HS6ST3: variants seen among roughly 807,000 people sequenced by gnomAD.
The protein encoded by HS6ST3 is heparan-sulfate 6-O-sulfotransferase 3.
Under a neutral mutation model 36.7 loss-of-function variants are expected in HS6ST3, and 12 were observed. The observed-to-expected ratio is 0.33, with a 90% CI of 0.21 to 0.53. HS6ST3 has a LOEUF of 0.53. Ranked by LOEUF, HS6ST3 falls within the 20% of genes least tolerant of loss-of-function variation. The pLI is 0.95. For synonymous variants in HS6ST3, 240 were observed against 257.5 expected, an observed-to-expected ratio of 0.93 and a Z score of 0.65; for missense variants, 584 against 640.9, an observed-to-expected ratio of 0.91 and a Z score of 0.96.
At chr13:96,492,162 A>G (rs942872804) in intron 1 of HS6ST3, among the ~76,000 whole-genome samples, 12 of 152,180 alleles carry the variant, frequency 7.9e-5, no homozygotes, top group Admixed American at 3.9e-4. Flanking sequence ...CTCACAGTTC[A>G]TAGATGCTGC....
chr13:96,325,774 T>C (rs2055027789), intron 1 of HS6ST3, among the ~76,000 whole-genome samples: 1 of 152,154 alleles, frequency 6.6e-6, no homozygotes, highest in Non-Finnish European at 1.5e-5. Context: ...GGGGACAAAA[T>C]TGGTCATTTA....
At chr13:96,313,606 G>T (rs1441825880) in intron 1 of HS6ST3, among the ~76,000 whole-genome samples, 1 of 152,062 alleles carries the variant, frequency 6.6e-6, no homozygotes, top group Non-Finnish European at 1.5e-5. Flanking sequence ...AAATGCTGTA[G>T]ATTCATCCCA....
chr13:96,734,101 C>G lies in HS6ST3; in HGVS notation c.708-98389C>G, dbSNP rs1455837647. Reference sequence around the variant, plus strand: ...CTGCCCTTGAAATAAAATCCAATCTCTTATTTACTTATAAGCTGGCCACTT... The same window carrying G: ...CTGCCCTTGAAATAAAATCCAATCTGTTATTTACTTATAAGCTGGCCACTT... On this transcript the variant is annotated intron_variant, in intron 1 of 1. Transcript: ENST00000376705. Among the ~76,000 whole-genome samples, 4 of 152,190 alleles carry G rather than the reference C, an allele frequency of 2.6e-5. No homozygotes were observed. The East Asian group carries it at 7.7e-4, about 29-fold the overall frequency.
chr13:96,433,538 A>G (rs1200835374), intron 1 of HS6ST3, among the ~76,000 whole-genome samples: 1 of 152,208 alleles, frequency 6.6e-6, no homozygotes, highest in Non-Finnish European at 1.5e-5. Context: ...TCTTCTGCAC[A>G]TGCTCTTTTA....
At chr13:96,532,247 A>T (rs2138935361) in intron 1 of HS6ST3, among the ~76,000 whole-genome samples, 2 of 152,306 alleles carry the variant, frequency 1.3e-5, no homozygotes, top group Admixed American at 1.3e-4. Flanking sequence ...AGAGAGAAAC[A>T]TTGTTTATTC....
At chr13:96,183,592 T>C (rs531032561) in intron 1 of HS6ST3, among the ~76,000 whole-genome samples, 12 of 152,304 alleles carry the variant, frequency 7.9e-5, no homozygotes, top group Admixed American at 4.6e-4. Flanking sequence ...ATAAAAAATA[T>C]CTCCTTCTAA....
intron 1 of HS6ST3, among the ~76,000 whole-genome samples, chr13:96,775,993 T>A (rs1162725438): frequency 6.6e-6 from 1 of 152,188 alleles, no homozygotes; most frequent in East Asian, 1.9e-4. Flanking sequence ...AAATAGTCTC[T>A]TGGACCACAG....
At chr13:96,285,945 TTC>T (rs907159814) in intron 1 of HS6ST3, among the ~76,000 whole-genome samples, 5 of 144,752 alleles carry the variant, frequency 3.5e-5, no homozygotes, top group East Asian at 2.3e-4. Context: ...CTCCCTCCTT[TTC>T]TCTTTCTCTC....
Position 96,681,057 on chromosome 13 carries a change from T to C in HS6ST3, c.708-151433T>C, listed in dbSNP as rs546786717. ...CCTAAAATCCTCAAAACGTGCCATA[T>C]AGATATTTGTTTTCTTTGCCTAGTT... On this transcript the variant is annotated intron_variant, in intron 1 of 1. Transcript: ENST00000376705. 4.6e-5 allele frequency among the ~76,000 whole-genome samples: 7 copies of C among 152,310 alleles called. No homozygotes were observed. In the South Asian group the frequency reaches 1.4e-3, roughly 32 times the overall value.
At chr13:96,360,735 T>G (rs2055234064) in intron 1 of HS6ST3, among the ~76,000 whole-genome samples, 1 of 150,042 alleles carries the variant, frequency 6.7e-6, no homozygotes, top group Non-Finnish European at 1.5e-5. Context: ...TCACTTGAGG[T>G]CAGGAGTTTG....
In HS6ST3 at chr13:96,792,931, C is replaced by G. The variant is rs147583325; in HGVS notation, c.708-39559C>G. On this transcript the variant is annotated intron_variant, in intron 1 of 1. Transcript: ENST00000376705. ...GAAACATTCGCAGTCATCAATCTTT[C>G]TCTAATCAGCAACTTTTGCCTTCCC... 1.2e-4 allele frequency among the ~76,000 whole-genome samples: 18 copies of G among 152,154 alleles called. No homozygotes were observed. The East Asian group carries it at 3.5e-3, about 29-fold the overall frequency.
intron 1 of HS6ST3, among the ~76,000 whole-genome samples, chr13:96,491,532 G>A (rs1413214239): frequency 6.6e-6 from 1 of 150,816 alleles, no homozygotes; most frequent in Non-Finnish European, 1.5e-5. Flanking sequence ...GACTTTGAGA[G>A]GAGTGTGGTG....
chr13:96,337,257 G>A (rs1217645498), intron 1 of HS6ST3, among the ~76,000 whole-genome samples: 3 of 152,026 alleles, frequency 2.0e-5, no homozygotes, highest in Non-Finnish European at 4.4e-5. Context: ...TAGTAGAGAC[G>A]TGGTTTCAGT....
intron 1 of HS6ST3, among the ~76,000 whole-genome samples, chr13:96,757,009 T>A (rs924206464): frequency 6.6e-6 from 1 of 152,164 alleles, no homozygotes; most frequent in African/African-American, 2.4e-5. Context: ...GGTGACAAGG[T>A]CTTGACTGGA....
intron 1 of HS6ST3, among the ~76,000 whole-genome samples, chr13:96,692,481 T>C (rs1874992081): frequency 6.6e-6 from 1 of 152,188 alleles, no homozygotes; most frequent in African/African-American, 2.4e-5. Flanking sequence ...AACCCACAGA[T>C]ACTGAGAACC....
chr13:96,376,548 T>C (rs1035785949), intron 1 of HS6ST3, among the ~76,000 whole-genome samples: 7 of 152,202 alleles, frequency 4.6e-5, no homozygotes, highest in Non-Finnish European at 1.0e-4. Flanking sequence ...CCAAGGTTGG[T>C]AGCATGGCAA....
intron 1 of HS6ST3, among the ~76,000 whole-genome samples, chr13:96,113,402 T>C (rs1252026700): frequency 6.6e-6 from 1 of 152,174 alleles, no homozygotes; most frequent in Non-Finnish European, 1.5e-5. Context: ...AAAGGATTAT[T>C]GACTTTCTTA....
chr13:96,627,359 T>C (rs1021625796), intron 1 of HS6ST3, among the ~76,000 whole-genome samples: 2 of 152,044 alleles, frequency 1.3e-5, no homozygotes, highest in Non-Finnish European at 2.9e-5. Flanking sequence ...CTTGTATTCA[T>C]GGAATGAAGA....
At chr13:96,307,834 G>A (rs138255358) in intron 1 of HS6ST3, among the ~76,000 whole-genome samples, 2 of 152,086 alleles carry the variant, frequency 1.3e-5, no homozygotes, top group Non-Finnish European at 2.9e-5. Context: ...CACGATGAGA[G>A]GGAAGCTTGA....
Sources: gnomAD v4.1 joint callset for allele counts (sites outside exome capture counted in the v4.1 genomes callset) on GRCh38, gnomAD v4.1.1 for gene constraint, MANE v1.5 for transcripts, NCBI Gene and HGNC (gene_info 2026-07-23, HGNC 2026-07-21) for gene names.